Variants in NECAB3 observed in about 807,000 individuals in gnomAD.
NECAB3 encodes the protein N-terminal EF-hand calcium binding protein 3.
A neutral mutation model predicts 57.2 loss-of-function variants in NECAB3; 38 were observed. The ratio of observed to expected loss-of-function variants is 0.66; its 90% confidence interval spans 0.51 to 0.87. The LOEUF is 0.87. Among genes scored for constraint, NECAB3 ranks in the 40% least tolerant of loss-of-function variants. NECAB3 has a pLI of 0.00. For synonymous variants in NECAB3, 223 were observed against 222.6 expected, an observed-to-expected ratio of 1.00 and a Z score of -0.02; for missense variants, 474 against 527.5, an observed-to-expected ratio of 0.90 and a Z score of 0.99.
chr20:33,662,495 G>GGGCTGGGGAGGC (rs1459296838), intron 5 of NECAB3: 2 of 1,549,378 alleles, frequency 1.3e-6, no homozygotes, highest in Non-Finnish European at 1.7e-6. Context: ...ATGGGGAGCA[G>GGGCTGGGGAGGC]GGCTGGGGAG....
intron 2 of NECAB3, 57 bp from the exon 3 acceptor site, chr20:33,670,849 C>A: frequency 1.5e-6 from 2 of 1,313,292 alleles, no homozygotes; most frequent in Non-Finnish European, 2.2e-6. Context: ...CCTGACTGCA[C>A]CCCTGCCACC....
chr20:33,667,756 G>C, intron 5 of NECAB3: 2 of 1,612,518 alleles, frequency 1.2e-6, no homozygotes, highest in South Asian at 1.1e-5. Flanking sequence ...CAGCTGCTAC[G>C]TGTCCCTGGA....
In NECAB3 at chr20:33,660,927, G is replaced by A. The variant is rs1170134005; in HGVS notation, c.388-532C>T. Among the ~76,000 whole-genome samples the A allele has an allele frequency of 2.0e-5, 3 of 152,108 alleles. No individual in the cohort carries two copies. The highest frequency in any genetic ancestry group is 1.9e-4 in the East Asian group (1 of 5,178). Reference sequence around the variant, plus strand: ...TTGCCATTCTCACTCAGACACACACGCCGGCACTGACCCCAACCGACACTG... The same window carrying A: ...TTGCCATTCTCACTCAGACACACACACCGGCACTGACCCCAACCGACACTG... On this transcript the variant is annotated intron_variant, in intron 5 of 11. Coordinates refer to ENST00000246190, the MANE Select transcript of NECAB3 (RefSeq NM_031232.4). This position sits in a 1 kb window ranked among gnomAD's most constrained non-coding sequence, Gnocchi z 4.1.
In NECAB3 at chr20:33,660,754, T is replaced by G. The variant is rs1341013349; in HGVS notation, c.388-359A>C. Among the ~76,000 whole-genome samples the G allele has an allele frequency of 6.6e-6, 1 of 152,110 alleles. No homozygotes were observed. Among genetic ancestry groups the G allele is most frequent in the Non-Finnish European group, 1.5e-5 (1 of 68,008 alleles). ...AGGCTGGGTGGGGGCTATCACGAGG[T>G]ATCCAAGGGCCAATGTTGACACAAG... On this transcript the variant is annotated intron_variant, in intron 5 of 11. Coordinates refer to ENST00000246190, the MANE Select transcript of NECAB3 (RefSeq NM_031232.4). This position sits in a 1 kb window ranked among gnomAD's most constrained non-coding sequence, Gnocchi z 4.1.
Position 33,667,568 on chromosome 20 carries a change from C to CGGGCGT in NECAB3, c.387+1801_387+1806dup, listed in dbSNP as rs1170936465. On this transcript the variant is annotated intron_variant, in intron 5 of 11. Transcript: ENST00000246190. Reference sequence around the variant, plus strand: ...AGCGGGCTGGCCGTGGAGGCGGGCGCGGGCGTGTGCCACGCCACGCCCATC... The same window carrying CGGGCGT: ...AGCGGGCTGGCCGTGGAGGCGGGCGCGGGCGTGGGCGTGTGCCACGCCACGCCCATC... The CGGGCGT allele has an allele frequency of 4.5e-6, 7 of 1,555,334 alleles. No homozygotes were observed. In the African/African-American group the frequency reaches 6.8e-5, roughly 15 times the overall value.
At chr20:33,662,140 T>G in intron 5 of NECAB3, 12 of 598,524 alleles carry the variant, frequency 2.0e-5, no homozygotes, top group East Asian at 6.4e-5. Context: ...CATTGCCTCA[T>G]TTATGATCAT....
In NECAB3 at chr20:33,657,860, G is replaced by A. The variant is rs995287129; in HGVS notation, c.1163-3C>T. On this transcript the variant is annotated splice_polypyrimidine_tract_variant and splice_region_variant and intron_variant, in intron 11 of 11. Coordinates refer to ENST00000246190, the MANE Select transcript of NECAB3 (RefSeq NM_031232.4). ...GTTATTCATTATCCACCAGGAGGCT[G>A]GGGGTCAGAGGCAGGGGGTCAGGAG... The A allele has an allele frequency of 4.5e-6, 7 of 1,543,658 alleles. No homozygotes were observed. The African/African-American group carries it at 5.5e-5, about 12-fold the overall frequency.
intron 5 of NECAB3, chr20:33,663,747 A>C: frequency 6.7e-7 from 1 of 1,491,216 alleles, no homozygotes; most frequent in Non-Finnish European, 8.9e-7. Flanking sequence ...GGGCCAGGGC[A>C]GCTCTGAGCT....
At chr20:33,662,467 C>T (rs942084610) in intron 5 of NECAB3, 3 of 1,551,416 alleles carry the variant, frequency 1.9e-6, no homozygotes, top group Admixed American at 2.0e-5. Flanking sequence ...CGGAAGAAGC[C>T]GGCTGTGAGG....
intron 1 of NECAB3, 91 bp from the exon 2 acceptor site, chr20:33,672,513 C>T: frequency 6.6e-7 from 1 of 1,506,052 alleles, no homozygotes; most frequent in Non-Finnish European, 9.2e-7. Context: ...AGCTGGCCGA[C>T]CTACCCCCTG....
At position 33,674,204 on chromosome 20, in the gene NECAB3, C is replaced by CAG; in HGVS notation, c.129+18_129+19dup. The CAG allele has an allele frequency of 8.0e-7, 1 of 1,257,430 alleles. No homozygotes were observed. Among genetic ancestry groups the CAG allele is most frequent in the Non-Finnish European group, 1.0e-6 (1 of 1,001,186 alleles). 77.9% of individuals were successfully genotyped at this position (1,257,430 alleles called of 1,614,324 possible). A position where few individuals can be genotyped will look rare whatever the true frequency, so the allele number is the denominator to read the frequency against. ...GACTCGGGTAGGGAGACACCGCGAG[C>CAG]AGAGCCCGCGCCCACTCACGTCCTG... On this transcript the variant is annotated intron_variant, in intron 1 of 11. Transcript: ENST00000246190.
intron 5 of NECAB3, chr20:33,662,851 G>A: frequency 4.7e-6 from 1 of 213,202 alleles, no homozygotes; most frequent in Admixed American, 5.4e-5. Context: ...GGTGGACTAC[G>A]TGAGCCCAGG....
chr20:33,662,174 A>C (rs1307385036), intron 5 of NECAB3: 20 of 818,312 alleles, frequency 2.4e-5, no homozygotes. Flanking sequence ...CAGCTGAGAA[A>C]CCAAGGCTAG....
rs575506478 is a variant in NECAB3, at chr20:33,658,008, C to T, written c.1096G>A (p.Ala366Thr). ...RRHQQSPGSK[A>T]FQRILIDHLR... ...TGGTCGATGAGGATGCGCTGGAAGG[C>T]CTTGCTGCCAGGCGACTGCTGGTGC... The change falls in exon 11 of 12, where the codon GCC becomes ACC. Residue 366 changes from alanine (A) to threonine (T), a missense_variant. By Grantham distance (58) the Ala-to-Thr change is moderately conservative. Transcript: ENST00000246190. 1.2e-5 allele frequency: 18 copies of T among 1,553,616 alleles called. No individual in the cohort carries two copies. The highest frequency in any genetic ancestry group is 3.5e-4 in the Middle Eastern group (2 of 5,748).
chr20:33,657,590 A>G lies in NECAB3; in HGVS notation c.*239T>C, dbSNP rs891726897. 6.5e-6 allele frequency: 3 copies of G among 464,440 alleles called. No individual in the cohort carries two copies. Among genetic ancestry groups the G allele is most frequent in the Non-Finnish European group, 1.1e-5 (3 of 271,122 alleles). 28.8% of individuals were successfully genotyped at this position (464,440 alleles called of 1,614,324 possible). A position where few individuals can be genotyped will look rare whatever the true frequency, so the allele number is the denominator to read the frequency against. On this transcript the variant is annotated 3_prime_UTR_variant, in exon 12 of 12. Transcript: ENST00000246190. ...GACCAGAATCCAGGTCTCCTGAGCC[A>G]GGCAGAAGCCAAAGTAGCTTGGAGG...
chr20:33,670,324 T>C (rs1386622725), intron 3 of NECAB3: 1 of 224,836 alleles, frequency 4.4e-6, no homozygotes, highest in African/African-American at 2.3e-5. Context: ...GACGCGTAGA[T>C]GTGGGAGCAC....
At chr20:33,669,779 C>T in intron 3 of NECAB3, 67 bp from the exon 4 acceptor site, 1 of 1,486,586 alleles carries the variant, frequency 6.7e-7, no homozygotes, top group Non-Finnish European at 9.0e-7. Flanking sequence ...GGGGCCAATG[C>T]CCCACATCCC....
chr20:33,671,298 C>T (rs1253197884), intron 2 of NECAB3, among the ~76,000 whole-genome samples: 1 of 152,140 alleles, frequency 6.6e-6, no homozygotes, highest in African/African-American at 2.4e-5. Context: ...AGCTCCCCAT[C>T]ACAGGGGCAT....
Position 33,659,979 on chromosome 20 carries a change from C to T in NECAB3, c.549G>A (p.Ala183=), listed in dbSNP as rs372333291. ...GCCGGCTGCCGCAGAGCCTGCTCTG[C>T]GCCTCCACGCTCTCTGCATCTGACC... The part of the protein sequence containing the change: ...GWRSDAESVE[A]QSRLCGSRRA... Residue 183 remains alanine (A), a synonymous_variant, in exon 7 of 12, where the codon GCG becomes GCA. Transcript: ENST00000246190. 1.4e-5 allele frequency: 22 copies of T among 1,567,782 alleles called. No homozygotes were observed. Among genetic ancestry groups the T allele is most frequent in the Middle Eastern group, 1.7e-4 (1 of 6,030 alleles).
Sources: gnomAD v4.1 joint callset for allele counts (sites outside exome capture counted in the v4.1 genomes callset) on GRCh38, gnomAD v4.1.1 for gene constraint, Gnocchi (gnomAD v3.1) non-coding constraint, MANE v1.5 for transcripts, NCBI Gene and HGNC (gene_info 2026-07-23, HGNC 2026-07-21) for gene names.